TSHZ2: variants seen among roughly 807,000 people sequenced by gnomAD.
TSHZ2 encodes the protein teashirt zinc finger homeobox 2, also known as teashirt homolog 2.
Under a neutral mutation model 74.4 loss-of-function variants are expected in TSHZ2, and 21 were observed. The ratio of observed to expected loss-of-function variants is 0.28; its 90% CI spans 0.20 to 0.41. The LOEUF (loss-of-function observed/expected upper bound fraction) is 0.41. TSHZ2 is among the 10% of genes least tolerant of loss of function. TSHZ2 has a pLI of 1.00. For synonymous variants in TSHZ2, 540 were observed against 515.3 expected (o/e 1.05, Z -0.65); for missense variants, 1,244 against 1,293.5 (o/e 0.96, Z 0.59).
chr20:53,021,999 A>G (rs1983263493), intron 1 of TSHZ2, among the ~76,000 whole-genome samples: 1 of 152,174 alleles, frequency 6.6e-6, no homozygotes, highest in African/African-American at 2.4e-5. Context: ...AAGAGATAAA[A>G]TCATAAAAGT....
chr20:53,393,391 G>T (rs1982331497), intron 2 of TSHZ2, among the ~76,000 whole-genome samples: 1 of 152,220 alleles, frequency 6.6e-6, no homozygotes, highest in African/African-American at 2.4e-5. Context: ...CTCTGGCTAA[G>T]CAGGTGACCA....
intron 1 of TSHZ2, among the ~76,000 whole-genome samples, chr20:52,979,430 C>T (rs1212465963): frequency 6.6e-6 from 1 of 152,140 alleles, no homozygotes; most frequent in Non-Finnish European, 1.5e-5. Context: ...GCGTCTCCAG[C>T]AGTGTGGCCG....
chr20:53,268,628 C>G (rs1284398664), intron 2 of TSHZ2, among the ~76,000 whole-genome samples: 1 of 152,192 alleles, frequency 6.6e-6, no homozygotes, highest in South Asian at 2.1e-4. Flanking sequence ...ATAAATACAA[C>G]AGTGAATGAA....
intron 2 of TSHZ2, among the ~76,000 whole-genome samples, chr20:53,323,562 G>GTTTTTT (rs1979361508): frequency 4.7e-5 from 3 of 64,132 alleles, no homozygotes; most frequent in Admixed American, 1.7e-4. Flanking sequence ...GCCTTGGAGG[G>GTTTTTT]CTTTTTTTTT....
intron 2 of TSHZ2, among the ~76,000 whole-genome samples, chr20:53,363,820 C>T: frequency 6.6e-6 from 1 of 152,138 alleles, no homozygotes. Flanking sequence ...TCAACAACAA[C>T]ATCAACAACA....
intron 1 of TSHZ2, among the ~76,000 whole-genome samples, chr20:53,005,970 T>G (rs974814756): frequency 2.0e-5 from 3 of 152,148 alleles, no homozygotes; most frequent in Admixed American, 6.5e-5. Flanking sequence ...CAGGGTGAGA[T>G]GGAATGTATT....
At chr20:53,261,235 C>A (rs372326783) in intron 2 of TSHZ2, among the ~76,000 whole-genome samples, 1 of 152,292 alleles carries the variant, frequency 6.6e-6, no homozygotes, top group African/African-American at 2.4e-5. Flanking sequence ...GGAGAAAGGA[C>A]ACTTTCCTGG....
At chr20:53,257,332 G>A (rs1212157532) in intron 2 of TSHZ2, among the ~76,000 whole-genome samples, 1 of 152,202 alleles carries the variant, frequency 6.6e-6, no homozygotes, top group African/African-American at 2.4e-5. Context: ...TAGAGGCAAT[G>A]TGTGCCCTTG....
chr20:53,427,614 G>T (rs2145727014), intron 2 of TSHZ2, among the ~76,000 whole-genome samples: 1 of 152,336 alleles, frequency 6.6e-6, no homozygotes, highest in East Asian at 1.9e-4. Flanking sequence ...CAAAGACACA[G>T]ATTTCTGAAT....
chr20:53,259,698 G>A (rs578195334), intron 2 of TSHZ2, among the ~76,000 whole-genome samples: 1 of 152,208 alleles, frequency 6.6e-6, no homozygotes, highest in Non-Finnish European at 1.5e-5. Flanking sequence ...AGCGCGTAAG[G>A]TTGCCAGACA....
At chr20:53,466,754 C>G (rs1321669471) in intron 2 of TSHZ2, among the ~76,000 whole-genome samples, 1 of 152,176 alleles carries the variant, frequency 6.6e-6, no homozygotes, top group Non-Finnish European at 1.5e-5. Context: ...TTTTCTCTCT[C>G]CATTGTCAGG....
At chr20:53,382,012 T>C (rs935184000) in intron 2 of TSHZ2, among the ~76,000 whole-genome samples, 5 of 152,134 alleles carry the variant, frequency 3.3e-5, no homozygotes, top group Non-Finnish European at 5.9e-5. Flanking sequence ...CCTATGAAAA[T>C]GGAGACAGGC....
At chr20:52,984,785 G>A (rs1296776962) in intron 1 of TSHZ2, among the ~76,000 whole-genome samples, 18 of 152,162 alleles carry the variant, frequency 1.2e-4, no homozygotes, top group Admixed American at 1.2e-3. Context: ...ATGCTGACTT[G>A]GACCAGATGG....
intron 1 of TSHZ2, among the ~76,000 whole-genome samples, chr20:53,231,424 G>A (rs1423659386): frequency 1.3e-5 from 2 of 152,178 alleles, no homozygotes; most frequent in Admixed American, 6.5e-5. Context: ...TATCTACAAA[G>A]TCAACATTAG....
chr20:53,431,822 C>T (rs16998095), intron 2 of TSHZ2, among the ~76,000 whole-genome samples: 12,524 of 152,172 alleles, frequency 0.082, 906 homozygotes, highest in East Asian at 0.31. Flanking sequence ...TAATATGTTG[C>T]ATGTGGCCCA....
At chr20:53,204,063 CATATT>C (rs1267665913) in intron 1 of TSHZ2, among the ~76,000 whole-genome samples, 1 of 145,026 alleles carries the variant, frequency 6.9e-6, no homozygotes, top group African/African-American at 2.5e-5. Context: ...ACTATTATAT[CATATT>C]ATATGATACT....
At chr20:53,064,370 A>G (rs1984911377) in intron 1 of TSHZ2, among the ~76,000 whole-genome samples, 1 of 152,210 alleles carries the variant, frequency 6.6e-6, no homozygotes, top group African/African-American at 2.4e-5. Flanking sequence ...GCCATTAAGC[A>G]AAAGTCATGT....
At chr20:53,163,318 A>G (rs542281452) in intron 1 of TSHZ2, among the ~76,000 whole-genome samples, 43 of 146,712 alleles carry the variant, frequency 2.9e-4, no homozygotes, top group African/African-American at 1.1e-3. Context: ...GGTTATAAAA[A>G]GATGGTGGCT....
intron 2 of TSHZ2, among the ~76,000 whole-genome samples, chr20:53,420,712 G>A (rs767402562): frequency 1.1e-4 from 16 of 152,180 alleles, no homozygotes; most frequent in Non-Finnish European, 1.8e-4. Context: ...GCAGTGAGCC[G>A]AGATTGTGCC....
Sources: gnomAD v4.1 joint callset for allele counts (sites outside exome capture counted in the v4.1 genomes callset) on GRCh38, gnomAD v4.1.1 for gene constraint, MANE v1.5 for transcripts, NCBI Gene and HGNC (gene_info 2026-07-23, HGNC 2026-07-21) for gene names.